ANKRD28: variants seen among roughly 807,000 people sequenced by gnomAD.
The protein encoded by ANKRD28 is serine/threonine-protein phosphatase 6 regulatory ankyrin repeat subunit A.
A neutral mutation model predicts 126.5 loss-of-function variants in ANKRD28; 44 were observed. That is an observed-to-expected ratio of 0.35 (90% CI 0.27 to 0.45). The LOEUF (loss-of-function observed/expected upper bound fraction) is 0.45. Ranked by LOEUF, ANKRD28 falls within the 20% of genes least tolerant of loss-of-function variation. The probability of loss-of-function intolerance (pLI) is 1.00; values close to 1 mark genes in which losing one functional copy is unlikely to be tolerated. For synonymous variants in ANKRD28, 442 were observed against 468.5 expected (o/e 0.94, Z 0.73); for missense variants, 1,110 against 1,316.6 (o/e 0.84, Z 2.43).
chr3:15,762,209 A>C (rs1398855581), intron 3 of ANKRD28, among the ~76,000 whole-genome samples: 1,510 of 43,644 alleles, frequency 0.035, 23 homozygotes, highest in Admixed American at 0.077. Flanking sequence ...AAAAAAAAAA[A>C]AAAACAAAAC....
intron 2 of ANKRD28, among the ~76,000 whole-genome samples, chr3:15,791,311 A>AC (rs2060012178): frequency 6.6e-6 from 1 of 151,610 alleles, no homozygotes; most frequent in Admixed American, 6.6e-5. Context: ...AGCCAAAGCC[A>AC]CCCTAAGCAA....
At chr3:15,798,505 G>C (rs2060376210), upstream of ANKRD28, among the ~76,000 whole-genome samples, 1 of 151,922 alleles carries the variant, frequency 6.6e-6, no homozygotes, top group Admixed American at 6.6e-5. Flanking sequence ...ATTTTAAAGG[G>C]AAAAGCAAAA....
At chr3:15,770,313 A>G (rs779242847) in intron 2 of ANKRD28, among the ~76,000 whole-genome samples, 2 of 151,890 alleles carry the variant, frequency 1.3e-5, no homozygotes, top group Non-Finnish European at 2.9e-5. Context: ...AAATATCATT[A>G]GCATTTATCA....
chr3:15,842,398 G>A (rs1365251506), intron 1 of ANKRD28, among the ~76,000 whole-genome samples: 2 of 151,506 alleles, frequency 1.3e-5, no homozygotes, highest in African/African-American at 4.9e-5. Flanking sequence ...TGGTTGGGAA[G>A]ACCATCCTCT....
At position 15,797,717 on chromosome 3, in the gene ANKRD28, C is replaced by T. The variant is rs1008159453; in HGVS notation, c.-1196G>A. ...CCAACTACTTTATTCAGTCATCTGC[C>T]TCTTTGCCAATATAGTTTCCTTCCA... On this transcript the variant is annotated 5_prime_UTR_variant, in exon 1 of 28. Coordinates refer to ENST00000683139, the MANE Select transcript of ANKRD28 (RefSeq NM_001349278.2). The T allele has an allele frequency of 2.8e-5, 28 of 985,388 alleles. 1 individual carries two copies. The East Asian group carries it at 3.2e-3, about 112-fold the overall frequency. The allele number at this position is 985,388 out of a possible 1,614,324, so 61.0% of individuals were successfully genotyped here. A position where few individuals can be genotyped will look rare whatever the true frequency, so the allele number is the denominator to read the frequency against.
chr3:15,800,602 T>G (rs576041700), upstream of ANKRD28, among the ~76,000 whole-genome samples: 1 of 152,210 alleles, frequency 6.6e-6, no homozygotes, highest in African/African-American at 2.4e-5. Context: ...CCCCACACTT[T>G]TCAGTGATCT....
chr3:15,848,107 C>A (rs2061565085), intron 1 of ANKRD28, among the ~76,000 whole-genome samples: 1 of 152,192 alleles, frequency 6.6e-6, no homozygotes, highest in Admixed American at 6.5e-5. Context: ...AATTTACAAA[C>A]AGTCATGCTG....
intron 2 of ANKRD28, among the ~76,000 whole-genome samples, chr3:15,787,702 C>T (rs1393127418): frequency 6.6e-6 from 1 of 152,148 alleles, no homozygotes; most frequent in African/African-American, 2.4e-5. Context: ...ACATCAACAG[C>T]TTGGTGTACT....
chr3:15,688,246 A>T (rs35256542), intron 18 of ANKRD28, among the ~76,000 whole-genome samples: 7,324 of 152,306 alleles, frequency 0.048, 253 homozygotes, highest in Admixed American at 0.1. Context: ...TAATATTTTT[A>T]AAATGTACTT....
chr3:15,713,687 A>C, intron 9 of ANKRD28, 46 bp from the exon 10 acceptor site: 1 of 1,266,152 alleles, frequency 7.9e-7, no homozygotes, highest in Non-Finnish European at 1.1e-6. Context: ...TATAAAGATC[A>C]GGTCAAACGT....
At chr3:15,788,713 A>G (rs2059892848) in intron 2 of ANKRD28, among the ~76,000 whole-genome samples, 1 of 152,154 alleles carries the variant, frequency 6.6e-6, no homozygotes, top group Non-Finnish European at 1.5e-5. Flanking sequence ...GTTCTACAAC[A>G]TGGCATTAAG....
intron 4 of ANKRD28, among the ~76,000 whole-genome samples, chr3:15,745,278 C>T (rs924767541): frequency 6.6e-6 from 1 of 152,040 alleles, no homozygotes; most frequent in Non-Finnish European, 1.5e-5. Flanking sequence ...TTGGTCATGA[C>T]GTCTTTGCCT....
chr3:15,737,699 C>A (rs2075123353), intron 4 of ANKRD28, among the ~76,000 whole-genome samples: 1 of 151,926 alleles, frequency 6.6e-6, no homozygotes, highest in Admixed American at 6.6e-5. Context: ...CTCCTGGCCT[C>A]AAGTGATCCT....
At chr3:15,837,112 A>C (rs1168650573) in intron 1 of ANKRD28, among the ~76,000 whole-genome samples, 2 of 151,660 alleles carry the variant, frequency 1.3e-5, no homozygotes, top group African/African-American at 2.4e-5. Flanking sequence ...AAAAAAAAAA[A>C]AAACCATAAA....
chr3:15,678,333 G>A lies in ANKRD28; in HGVS notation c.2583C>T (p.Ala861=), dbSNP rs1309078181. 5 of 1,607,740 alleles carry A rather than the reference G, an allele frequency of 3.1e-6. No individual in the cohort carries two copies. Among genetic ancestry groups the A allele is most frequent in the Non-Finnish European group, 3.4e-6 (4 of 1,177,360 alleles). ...GTAAACACTCTACATGGTCTGTGAA[G>A]GCGGCTGCATGGAGAGGAGTTCTGT... The part of the protein sequence containing the change: ...SKGRTPLHAA[A]FTDHVECLQL... The change falls in exon 24 of 28, where the codon GCC becomes GCT. Residue 861 remains alanine (A), a synonymous_variant. Transcript: ENST00000683139.
At chr3:15,836,254 A>G (rs2061324005) in intron 1 of ANKRD28, among the ~76,000 whole-genome samples, 1 of 152,194 alleles carries the variant, frequency 6.6e-6, no homozygotes, top group African/African-American at 2.4e-5. Flanking sequence ...TTAACATAAT[A>G]TATATGACAA....
intron 9 of ANKRD28, among the ~76,000 whole-genome samples, chr3:15,714,034 C>T (rs2072675892): frequency 6.6e-6 from 1 of 152,158 alleles, no homozygotes; most frequent in African/African-American, 2.4e-5. Flanking sequence ...TTCAACTTTT[C>T]CCCTGCAAAA....
chr3:15,850,224 T>TATATAGAGAGAGAG (rs1418223588), intron 1 of ANKRD28, among the ~76,000 whole-genome samples: 54 of 35,106 alleles, frequency 1.5e-3, no homozygotes, highest in Admixed American at 3.4e-3. Context: ...TATATATATA[T>TATATAGAGAGAGAG]AGAGAGAGAG....
intron 1 of ANKRD28, among the ~76,000 whole-genome samples, chr3:15,823,845 A>G (rs2060999599): frequency 6.6e-6 from 1 of 152,230 alleles, no homozygotes; most frequent in Non-Finnish European, 1.5e-5. Context: ...AAGAAAAAGC[A>G]TTTATAAAAT....
Sources: allele counts gnomAD v4.1 joint callset (sites outside exome capture counted in the v4.1 genomes callset), GRCh38; gene constraint gnomAD v4.1.1; transcripts MANE v1.5; gene names NCBI Gene and HGNC (gene_info 2026-07-23, HGNC 2026-07-21).